Variants in NDUFAF2 observed in about 807,000 individuals in gnomAD.
The protein encoded by NDUFAF2 is NADH:ubiquinone oxidoreductase complex assembly factor 2, also known as NADH dehydrogenase [ubiquinone] 1 alpha subcomplex assembly factor 2.
A neutral mutation model predicts 22.8 loss-of-function variants in NDUFAF2; 13 were observed. That is an observed-to-expected ratio of 0.57 (90% CI 0.37 to 0.91). The LOEUF is 0.91. Ranked by LOEUF, NDUFAF2 falls within the 40% of genes least tolerant of loss-of-function variation. NDUFAF2 has a pLI of 0.01. For synonymous variants in NDUFAF2, 53 were observed against 64.2 expected (o/e 0.83, Z 0.84); for missense variants, 162 against 195.2 (o/e 0.83, Z 1.01).
At chr5:61,062,186 A>G (rs1481348919) in intron 1 of NDUFAF2, among the ~76,000 whole-genome samples, 1 of 152,188 alleles carries the variant, frequency 6.6e-6, no homozygotes, top group Non-Finnish European at 1.5e-5. Flanking sequence ...ACTACAAAAC[A>G]AAATAATTCT....
intron 1 of NDUFAF2, among the ~76,000 whole-genome samples, chr5:61,060,778 A>G (rs956730056): frequency 3.3e-5 from 5 of 152,324 alleles, no homozygotes; most frequent in African/African-American, 1.2e-4. Flanking sequence ...AACTGGTTGA[A>G]AACTATCACC....
chr5:61,057,235 C>G (rs979433181), intron 1 of NDUFAF2, among the ~76,000 whole-genome samples: 3 of 152,076 alleles, frequency 2.0e-5, no homozygotes, highest in Non-Finnish European at 4.4e-5. Flanking sequence ...CTCATCCTTT[C>G]TGAACACTGG....
chr5:61,092,918 C>T (rs1752586668), intron 2 of NDUFAF2, among the ~76,000 whole-genome samples: 1 of 152,102 alleles, frequency 6.6e-6, no homozygotes, highest in South Asian at 2.1e-4. Flanking sequence ...CACAATAGGC[C>T]ATCTGCAGCT....
intron 1 of NDUFAF2, among the ~76,000 whole-genome samples, chr5:60,994,385 A>G (rs1164736302): frequency 4.0e-5 from 6 of 151,744 alleles, no homozygotes; most frequent in Non-Finnish European, 7.4e-5. Flanking sequence ...CACAGCCACA[A>G]CTCTGTCACT....
At chr5:60,975,031 A>G (rs184042143) in intron 1 of NDUFAF2, among the ~76,000 whole-genome samples, 151 of 151,100 alleles carry the variant, frequency 1.0e-3, no homozygotes, top group Non-Finnish European at 1.9e-3. Flanking sequence ...CTGGTCTTGA[A>G]CTCTTGACCT....
intron 1 of NDUFAF2, among the ~76,000 whole-genome samples, chr5:61,051,319 C>T (rs1455170951): frequency 1.3e-5 from 2 of 152,244 alleles, no homozygotes; most frequent in South Asian, 2.1e-4. Flanking sequence ...CATTTTCTTT[C>T]TTGTACTTAT....
At chr5:60,962,386 A>G (rs1421719018) in intron 1 of NDUFAF2, among the ~76,000 whole-genome samples, 1 of 152,168 alleles carries the variant, frequency 6.6e-6, no homozygotes, top group African/African-American at 2.4e-5. Flanking sequence ...AACACCTTTC[A>G]TGTTCCAATT....
chr5:61,130,572 A>C (rs1298888095), intron 3 of NDUFAF2, among the ~76,000 whole-genome samples: 1 of 152,132 alleles, frequency 6.6e-6, no homozygotes, highest in African/African-American at 2.4e-5. Context: ...TGGTTCAGCA[A>C]TGCCTGACTT....
intron 2 of NDUFAF2, among the ~76,000 whole-genome samples, chr5:61,077,949 T>C (rs1240245446): frequency 3.3e-5 from 5 of 152,214 alleles, no homozygotes; most frequent in African/African-American, 9.7e-5. Context: ...ACCCAAATTA[T>C]CTGCTTCCAA....
chr5:60,970,625 T>A (rs892548877), intron 1 of NDUFAF2, among the ~76,000 whole-genome samples: 17 of 152,180 alleles, frequency 1.1e-4, no homozygotes, highest in African/African-American at 3.9e-4. Flanking sequence ...AAATATAAGA[T>A]CATATCCTCT....
intron 3 of NDUFAF2, among the ~76,000 whole-genome samples, chr5:61,127,871 A>T (rs1293041641): frequency 2.0e-5 from 3 of 152,196 alleles, no homozygotes; most frequent in African/African-American, 7.2e-5. Flanking sequence ...TTTGCAGATG[A>T]CATGATTGTA....
chr5:60,979,040 C>T (rs1410913905), intron 1 of NDUFAF2, among the ~76,000 whole-genome samples: 1 of 152,160 alleles, frequency 6.6e-6, no homozygotes, highest in Non-Finnish European at 1.5e-5. Flanking sequence ...TCCTGGATGA[C>T]ATTTCTAGAC....
intron 1 of NDUFAF2, among the ~76,000 whole-genome samples, chr5:61,062,912 A>G (rs1470824332): frequency 2.6e-5 from 4 of 152,186 alleles, no homozygotes; most frequent in Non-Finnish European, 5.9e-5. Flanking sequence ...TCAAAGATGT[A>G]TCCAAAGAAA....
intron 3 of NDUFAF2, among the ~76,000 whole-genome samples, chr5:61,108,018 A>G (rs1424116148): frequency 6.6e-6 from 1 of 151,078 alleles, no homozygotes; most frequent in Non-Finnish European, 1.5e-5. Context: ...ATGGCTGCAT[A>G]GTGACATGAA....
chr5:61,073,189 A>G lies in NDUFAF2; in HGVS notation c.192A>G (p.Ala64=), dbSNP rs147317760. The stretch of plus-strand genomic sequence containing the variant: ...ATAAAAAAGAAGTAGACTATGAAGC[A>G]GGGGATATTCCAACAGAATGGGAAG... The part of the protein sequence containing the change: ...AANKKEVDYE[A]GDIPTEWEAW... The change falls in exon 2 of 4, where the codon GCA becomes GCG. Residue 64 remains alanine, a synonymous_variant. Transcript: ENST00000296597. 20 of 1,613,002 alleles carry G rather than the reference A, an allele frequency of 1.2e-5. No homozygotes were observed. The highest frequency in any genetic ancestry group is 4.0e-5 in the African/African-American group (3 of 74,918).
intron 3 of NDUFAF2, among the ~76,000 whole-genome samples, chr5:61,140,530 T>G (rs1741038092): frequency 6.6e-6 from 1 of 152,216 alleles, no homozygotes; most frequent in South Asian, 2.1e-4. Context: ...TAATTTCAGA[T>G]GAACAAGGGA....
intron 1 of NDUFAF2, among the ~76,000 whole-genome samples, chr5:61,049,814 T>TTATATATATATGTATATTTATATA (rs1380818534): frequency 2.0e-5 from 3 of 150,950 alleles, no homozygotes; most frequent in Non-Finnish European, 4.4e-5. Context: ...ATGTGTGTAT[T>TTATATATATATGTATATTTATATA]TATATACATA....
At chr5:61,151,359 G>A (rs1408282336) in intron 3 of NDUFAF2, among the ~76,000 whole-genome samples, 2 of 150,500 alleles carry the variant, frequency 1.3e-5, no homozygotes, top group African/African-American at 4.9e-5. Flanking sequence ...GGTCAGTGTT[G>A]TCAGATATTA....
intron 1 of NDUFAF2, among the ~76,000 whole-genome samples, chr5:61,016,618 T>A (rs192733973): frequency 2.0e-5 from 3 of 152,296 alleles, no homozygotes; most frequent in Admixed American, 2.0e-4. Context: ...AAGGTGGAGA[T>A]AAATGCTTGA....
Sources: allele counts gnomAD v4.1 joint callset (sites outside exome capture counted in the v4.1 genomes callset), GRCh38; gene constraint gnomAD v4.1.1; transcripts MANE v1.5; gene names NCBI Gene and HGNC (gene_info 2026-07-23, HGNC 2026-07-21).